The following CNTNAP2 variants were observed in gnomAD, a reference collection of about 807,000 sequenced individuals.
The protein encoded by CNTNAP2 is contactin associated protein 2, also known as contactin-associated protein-like 2.
In CNTNAP2, 98 loss-of-function variants were observed where a neutral mutation model predicts 155.2. The ratio of observed to expected loss-of-function variants is 0.63; its 90% CI spans 0.54 to 0.75. CNTNAP2 has a LOEUF of 0.75. Among genes scored for constraint, CNTNAP2 ranks in the 30% least tolerant of loss-of-function variants. CNTNAP2 has a pLI of 0.00. For synonymous variants in CNTNAP2, 651 were observed against 631.2 expected (o/e 1.03, Z -0.47); for missense variants, 1,727 against 1,688.1 (o/e 1.02, Z -0.40).
chr7:146,599,689 C>A (rs1341810075), intron 1 of CNTNAP2, among the ~76,000 whole-genome samples: 1 of 151,498 alleles, frequency 6.6e-6, no homozygotes, highest in African/African-American at 2.4e-5. Flanking sequence ...TGTGAGCCCT[C>A]TCACACAAAG....
At chr7:147,900,194 G>C (rs1171759460) in intron 13 of CNTNAP2, among the ~76,000 whole-genome samples, 1 of 152,052 alleles carries the variant, frequency 6.6e-6, no homozygotes, top group Non-Finnish European at 1.5e-5. Flanking sequence ...ACTCTGCTAT[G>C]GTCATCTCCA....
intron 1 of CNTNAP2, among the ~76,000 whole-genome samples, chr7:146,327,974 C>A (rs754493503): frequency 3.3e-5 from 5 of 152,154 alleles, no homozygotes; most frequent in African/African-American, 7.2e-5. Flanking sequence ...GTATGGTGGA[C>A]TGAAGTGTTT....
intron 1 of CNTNAP2, among the ~76,000 whole-genome samples, chr7:146,217,335 TC>T (rs1425914508): frequency 4.6e-5 from 7 of 152,212 alleles, no homozygotes; most frequent in African/African-American, 1.4e-4. Context: ...CATCACATAC[TC>T]TTTATGACAA....
At chr7:146,788,235 C>T (rs1260183934) in intron 2 of CNTNAP2, among the ~76,000 whole-genome samples, 2 of 152,214 alleles carry the variant, frequency 1.3e-5, no homozygotes, top group Non-Finnish European at 2.9e-5. Context: ...TTGCCTCTGC[C>T]AGCCCCAGAG....
chr7:148,077,605 G>C (rs748861218), intron 15 of CNTNAP2, among the ~76,000 whole-genome samples: 4 of 152,118 alleles, frequency 2.6e-5, no homozygotes, highest in Non-Finnish European at 4.4e-5. Flanking sequence ...ACCAGAATTA[G>C]TACGTTGTTT....
intron 8 of CNTNAP2, among the ~76,000 whole-genome samples, chr7:147,197,465 TG>T (rs1380737580): frequency 2.0e-5 from 3 of 151,894 alleles, no homozygotes; most frequent in African/African-American, 7.2e-5. Context: ...CATCCTCCAC[TG>T]GTAACACTAT....
intron 8 of CNTNAP2, among the ~76,000 whole-genome samples, chr7:147,155,425 T>C (rs1419302916): frequency 6.6e-6 from 1 of 152,130 alleles, no homozygotes; most frequent in Non-Finnish European, 1.5e-5. Context: ...GTAGCATAGT[T>C]ACTGAAGGAA....
chr7:146,519,851 T>C (rs1797592817), intron 1 of CNTNAP2, among the ~76,000 whole-genome samples: 1 of 151,872 alleles, frequency 6.6e-6, no homozygotes, highest in Non-Finnish European at 1.5e-5. Flanking sequence ...TGAATTAGTA[T>C]CAACATAGCA....
chr7:146,842,994 C>CTTTTT lies in CNTNAP2; in HGVS notation c.402+3115_402+3119dup, dbSNP rs35387068. On this transcript the variant is annotated intron_variant, in intron 3 of 23. Coordinates refer to ENST00000361727, the MANE Select transcript of CNTNAP2 (RefSeq NM_014141.6). ...GCCACCACGCCCGGCCTGTCCCACA[C>CTTTTT]TTTTTTTTTTTTTTTTTTTTTTTTT... Among the ~76,000 whole-genome samples the CTTTTT allele has an allele frequency of 7.3e-4, 10 of 13,636 alleles. 3 individuals carry two copies. Among genetic ancestry groups the CTTTTT allele is most frequent in the African/African-American group, 1.4e-3 (5 of 3,472 alleles). The allele number at this position is 13,636 out of a possible 152,430, so 8.9% of individuals were successfully genotyped here. A position where few individuals can be genotyped will look rare whatever the true frequency, so the allele number is the denominator to read the frequency against.
intron 3 of CNTNAP2, among the ~76,000 whole-genome samples, chr7:146,898,928 G>A (rs953315039): frequency 9.9e-5 from 15 of 150,834 alleles, no homozygotes; most frequent in East Asian, 3.9e-4. Flanking sequence ...CATTGCAAAC[G>A]CCACTGAAAG....
chr7:148,289,181 A>G (rs1019605324), intron 21 of CNTNAP2, among the ~76,000 whole-genome samples: 14 of 152,298 alleles, frequency 9.2e-5, no homozygotes, highest in African/African-American at 3.4e-4. Flanking sequence ...GAAAGTCACA[A>G]TAGCTCCAGG....
intron 8 of CNTNAP2, among the ~76,000 whole-genome samples, chr7:147,265,832 G>A (rs1412549557): frequency 6.6e-6 from 1 of 152,094 alleles, no homozygotes; most frequent in African/African-American, 2.4e-5. Context: ...GCCTCCTTAG[G>A]TGACATCTCC....
chr7:146,284,778 G>T (rs1800301119), intron 1 of CNTNAP2, among the ~76,000 whole-genome samples: 1 of 152,188 alleles, frequency 6.6e-6, no homozygotes, highest in African/African-American at 2.4e-5. Context: ...TGACTGCTCA[G>T]TTTATCACTG....
intron 21 of CNTNAP2, among the ~76,000 whole-genome samples, chr7:148,360,816 CTT>C (rs1231168802): frequency 3.9e-5 from 5 of 126,822 alleles, no homozygotes; most frequent in Non-Finnish European, 4.9e-5. Flanking sequence ...TTTTCTTTTT[CTT>C]TTTTTTTTTT....
At chr7:147,024,827 C>T (rs1034466831) in intron 3 of CNTNAP2, among the ~76,000 whole-genome samples, 1 of 152,048 alleles carries the variant, frequency 6.6e-6, no homozygotes, top group Non-Finnish European at 1.5e-5. Flanking sequence ...GGAGAGGCTT[C>T]GGGAAACTGT....
At chr7:148,208,153 C>T (rs1011467427) in intron 18 of CNTNAP2, among the ~76,000 whole-genome samples, 4 of 151,460 alleles carry the variant, frequency 2.6e-5, no homozygotes, top group Non-Finnish European at 2.9e-5. Context: ...GAACCAGAGG[C>T]ATGACAGAGC....
intron 14 of CNTNAP2, among the ~76,000 whole-genome samples, chr7:147,922,185 G>A (rs1800294335): frequency 6.6e-6 from 1 of 152,142 alleles, no homozygotes; most frequent in African/African-American, 2.4e-5. Context: ...AAGACAGAAG[G>A]AAAATAAATC....
intron 15 of CNTNAP2, among the ~76,000 whole-genome samples, chr7:148,010,406 G>T (rs1369569852): frequency 1.3e-5 from 2 of 151,600 alleles, no homozygotes; most frequent in Non-Finnish European, 3.0e-5. Flanking sequence ...TTTATGTTTT[G>T]TGTCTTATGT....
At chr7:147,971,245 G>A (rs1035413638) in intron 14 of CNTNAP2, among the ~76,000 whole-genome samples, 2 of 152,090 alleles carry the variant, frequency 1.3e-5, no homozygotes, top group African/African-American at 4.8e-5. Flanking sequence ...TTGCCAATTG[G>A]CATTTGAGAC....
Sources: gnomAD v4.1 joint callset for allele counts (sites outside exome capture counted in the v4.1 genomes callset) on GRCh38, gnomAD v4.1.1 for gene constraint, MANE v1.5 for transcripts, NCBI Gene and HGNC (gene_info 2026-07-23, HGNC 2026-07-21) for gene names.